The following CLEC12A variants were observed in gnomAD, a reference collection of about 807,000 sequenced individuals.
The protein encoded by CLEC12A is C-type lectin protein CLL-1.
Under a neutral mutation model 26.5 loss-of-function variants are expected in CLEC12A, and 22 were observed. That is an observed-to-expected ratio of 0.83 (90% CI 0.59 to 1.19). The LOEUF (loss-of-function observed/expected upper bound fraction) is 1.19. CLEC12A is among the 50% of genes most tolerant of loss of function. The pLI, the probability that CLEC12A is intolerant of heterozygous loss-of-function variation, is 0.00. For missense variants in CLEC12A, 353 were observed against 315.6 expected (o/e 1.12, Z -0.90); for synonymous variants, 119 against 101.9 (o/e 1.17, Z -1.01).
At chr12:9,992,230 C>A (rs988972975) in intron 4 of CLEC12A, 10 of 152,092 alleles carry the variant, frequency 6.6e-5, no homozygotes, top group Non-Finnish European at 1.5e-4. Context: ...AGCATTTTTA[C>A]TTGTCCTTCT....
In CLEC12A at chr12:9,952,127, C is replaced by A. The variant is rs1298437403; in HGVS notation, c.10+771C>A. 2.7e-4 allele frequency: 34 copies of A among 126,222 alleles called. 1 individual carries two copies. Among genetic ancestry groups the A allele is most frequent in the African/African-American group, 8.3e-4 (27 of 32,626 alleles). 7.8% of individuals were successfully genotyped at this position (126,222 alleles called of 1,614,324 possible). Reference sequence around the variant, plus strand: ...AACAGGATGTGAGCGCTCTCCCTCTCCCTCTCCCTCTCCCTCTCCGTCTCC... The same window carrying A: ...AACAGGATGTGAGCGCTCTCCCTCTACCTCTCCCTCTCCCTCTCCGTCTCC... On this transcript the variant is annotated intron_variant, in intron 1 of 6. Coordinates refer to the CLEC12A transcript ENST00000355690.
At chr12:9,997,146 A>T (rs1865072404), downstream of CLEC12A, 14 of 1,613,720 alleles carry the variant, frequency 8.7e-6, no homozygotes, top group Non-Finnish European at 1.2e-5. Context: ...AGAGGTTAAA[A>T]AAACAATACT....
intron 3 of CLEC12A, among the ~76,000 whole-genome samples, chr12:9,979,886 A>G (rs965436172): frequency 3.2e-4 from 49 of 152,194 alleles, no homozygotes; most frequent in African/African-American, 1.2e-3. Flanking sequence ...AATTTCAGTC[A>G]GTGATTGATA....
chr12:9,994,511 T>G (rs529642226), intron 4 of CLEC12A, among the ~76,000 whole-genome samples: 1 of 152,218 alleles, frequency 6.6e-6, no homozygotes, highest in South Asian at 2.1e-4. Flanking sequence ...ATATACAGGA[T>G]GAACAAAAGA....
chr12:10,001,951 C>A, the CLEC12A span, among the ~76,000 whole-genome samples: 5 of 147,486 alleles, frequency 3.4e-5, no homozygotes, highest in Non-Finnish European at 5.9e-5. Context: ...GCCATCTTGG[C>A]TCACTGCAAG....
chr12:9,958,835 A>G (rs184178410), intron 1 of CLEC12A, among the ~76,000 whole-genome samples: 6 of 152,334 alleles, frequency 3.9e-5, no homozygotes, highest in Non-Finnish European at 4.4e-5. Context: ...TAATCACCCC[A>G]GCACCTGGAC....
chr12:9,959,682 T>C (rs1180454051), intron 1 of CLEC12A, among the ~76,000 whole-genome samples: 2 of 152,092 alleles, frequency 1.3e-5, no homozygotes, highest in African/African-American at 2.4e-5. Context: ...GGAAATGATA[T>C]GGAACAAAAT....
upstream of CLEC12A, chr12:9,971,299 C>G (rs917369330): frequency 8.4e-6 from 5 of 597,094 alleles, no homozygotes; most frequent in South Asian, 6.8e-5. Flanking sequence ...AAACTACTTT[C>G]TGTAGTTGGT....
At chr12:9,976,820 T>G (rs1488684147) in intron 1 of CLEC12A, among the ~76,000 whole-genome samples, 5 of 152,140 alleles carry the variant, frequency 3.3e-5, no homozygotes, top group African/African-American at 1.2e-4. Context: ...AATTGAATCA[T>G]ATGGTAGGGG....
At chr12:9,961,037 T>C (rs1235988802) in intron 1 of CLEC12A, among the ~76,000 whole-genome samples, 8 of 152,144 alleles carry the variant, frequency 5.3e-5, no homozygotes, top group Non-Finnish European at 1.0e-4. Context: ...CAGGTACACA[T>C]TGGTTTTGTA....
Position 9,971,573 on chromosome 12 carries a change from C to A in CLEC12A, c.-24C>A. ...ATCTTTTTGTGTTTTTACACTTTGT[C>A]AAGATTTCTTTACATATTCATCAAT... is the stretch of plus-strand genomic sequence containing the variant. On this transcript the variant is annotated 5_prime_UTR_variant, in exon 1 of 6. Coordinates refer to ENST00000304361, the MANE Select transcript of CLEC12A (RefSeq NM_138337.6). 2 of 1,596,586 alleles carry A rather than the reference C, an allele frequency of 1.3e-6. No homozygotes were observed. The highest frequency in any genetic ancestry group is 2.3e-5 in the South Asian group (2 of 87,586).
upstream of CLEC12A, among the ~76,000 whole-genome samples, chr12:9,968,561 G>A (rs574341512): frequency 2.8e-4 from 42 of 152,252 alleles, 1 homozygote; most frequent in African/African-American, 9.6e-4. Flanking sequence ...GCAGGAACAG[G>A]CCATTTTCAC....
intron 1 of CLEC12A, among the ~76,000 whole-genome samples, chr12:9,964,690 A>G (rs532280926): frequency 6.6e-6 from 1 of 152,238 alleles, no homozygotes; most frequent in East Asian, 1.9e-4. Context: ...AACAGAAGTT[A>G]TTTCCTTGAG....
downstream of CLEC12A, chr12:9,998,291 C>T (rs1166225824): frequency 6.2e-7 from 1 of 1,613,728 alleles, no homozygotes; most frequent in Non-Finnish European, 8.5e-7. Flanking sequence ...CACCAAATCC[C>T]CAGAGCCACC....
chr12:9,984,191 A>G (rs1864678347), intron 5 of CLEC12A: 1 of 155,256 alleles, frequency 6.4e-6, no homozygotes, highest in African/African-American at 2.4e-5. Context: ...GTTGTAATAA[A>G]TGACATCTGT....
chr12:9,961,354 T>G (rs1477130280), intron 1 of CLEC12A, among the ~76,000 whole-genome samples: 2 of 152,168 alleles, frequency 1.3e-5, no homozygotes, highest in African/African-American at 2.4e-5. Flanking sequence ...TTCAGATGGT[T>G]GAGGGGCCTT....
chr12:9,977,310 A>G (rs1214651862), intron 1 of CLEC12A, among the ~76,000 whole-genome samples: 1 of 152,208 alleles, frequency 6.6e-6, no homozygotes, highest in East Asian at 1.9e-4. Context: ...TTACTGATAA[A>G]ACAACTCTGT....
intron 1 of CLEC12A, among the ~76,000 whole-genome samples, chr12:9,974,215 T>A (rs1215324195): frequency 6.6e-6 from 1 of 152,128 alleles, no homozygotes; most frequent in Admixed American, 6.5e-5. Context: ...TCTTTGCACA[T>A]CCCTCCTGAC....
Position 9,980,584 on chromosome 12 carries a change from C to T in CLEC12A, c.382C>T (p.His128Tyr), listed in dbSNP as rs768438975. The change falls in exon 4 of 6, where the codon CAC becomes TAC. Residue 128 changes from histidine (H) to tyrosine (Y), a missense_variant and splice_region_variant. Coordinates refer to ENST00000304361, the MANE Select transcript of CLEC12A (RefSeq NM_138337.6). ...ATAAAACTATGTTCTTCTTCCAGAG[C>T]ACAAATGTAAGCCTTGTCCAAGGAG... is the stretch of plus-strand genomic sequence containing the variant. ...CRELYSKEQEHKCKPCPRRWI... is the reference protein window; with the variant it reads ...CRELYSKEQEYKCKPCPRRWI... 10 of 1,611,612 alleles carry T rather than the reference C, an allele frequency of 6.2e-6. No individual in the cohort carries two copies. Among genetic ancestry groups the T allele is most frequent in the Non-Finnish European group, 7.6e-6 (9 of 1,178,948 alleles).
Sources: allele counts gnomAD v4.1 joint callset (sites outside exome capture counted in the v4.1 genomes callset), GRCh38; gene constraint gnomAD v4.1.1; transcripts MANE v1.5; gene names NCBI Gene and HGNC (gene_info 2026-07-23, HGNC 2026-07-21).